Variants in PGGHG observed in about 807,000 individuals in gnomAD.
The protein encoded by PGGHG is protein-glucosylgalactosylhydroxylysine glucosidase.
Under a neutral mutation model 74.5 loss-of-function variants are expected in PGGHG, and 67 were observed. The ratio of observed to expected loss-of-function variants is 0.90; its 90% CI spans 0.74 to 1.10. The LOEUF (loss-of-function observed/expected upper bound fraction) is 1.10, where lower values mean the gene tolerates loss of function less well. Among genes scored for constraint, PGGHG ranks in the 50% least tolerant of loss-of-function variants. PGGHG has a pLI of 0.00. For missense variants in PGGHG, 1,034 were observed against 981.5 expected (o/e 1.05, Z -0.72); for synonymous variants, 496 against 419.9 (o/e 1.18, Z -2.21).
chr11:290,893 C>A lies in PGGHG; in HGVS notation c.686C>A (p.Thr229Lys). The change falls in exon 4 of 14, where the codon ACG becomes AAG. Residue 229 changes from threonine (T) to lysine (K), a missense_variant. Physicochemically the swap from Thr to Lys is moderately conservative, Grantham distance 78. Transcript: ENST00000409548. ...LQLQARGALY[T>K]AHAQAWAQLW... ...CTGCAGGCCAGGGGAGCTCTGTATACGGCTCACGCACAGGCCTGGGCCCAG... is the reference window on the plus strand; with the variant it reads ...CTGCAGGCCAGGGGAGCTCTGTATAAGGCTCACGCACAGGCCTGGGCCCAG... The A allele has an allele frequency of 1.2e-6, 2 of 1,611,718 alleles. No homozygotes were observed. The highest frequency in any genetic ancestry group is 1.1e-5 in the South Asian group (1 of 90,914).
chr11:292,362 G>A (rs777974712), intron 5 of PGGHG, among the ~76,000 whole-genome samples, 184 bp from the exon 6 acceptor site: 9 of 152,088 alleles, frequency 5.9e-5, no homozygotes, highest in East Asian at 1.9e-4. Context: ...GTCAGCACTC[G>A]GTGAGAACTG....
In PGGHG at chr11:292,632, C is replaced by CGG. The variant is rs1564841115; in HGVS notation, c.1116_1117dup (p.Ala373GlyfsTer51). 3 of 1,613,668 alleles carry CGG rather than the reference C, an allele frequency of 1.9e-6. No homozygotes were observed. The highest frequency in any genetic ancestry group is 2.5e-6 in the Non-Finnish European group (3 of 1,180,006). ...ACGGAGTCCAGGAGGTCCACGTCAA[C>CGG]GGGGCCGTGGTGTTGGCCTTCGAGC... is the stretch of plus-strand genomic sequence containing the variant. On this transcript the variant is annotated frameshift_variant, in exon 6 of 14. Coordinates refer to ENST00000409548, the MANE Select transcript of PGGHG (RefSeq NM_025092.5). LOFTEE classifies it high-confidence loss of function.
chr11:292,526 G>T lies in PGGHG; in HGVS notation c.1027-20G>T, dbSNP rs755624421. ...GCTCCCCTCCAACAAGGTCAAGTCT[G>T]CCCCCTCCCAACCCCTCAGGGAGCC... On this transcript the variant is annotated intron_variant, in intron 5 of 13. Coordinates refer to ENST00000409548, the MANE Select transcript of PGGHG (RefSeq NM_025092.5). 5 of 1,611,928 alleles carry T rather than the reference G, an allele frequency of 3.1e-6. No individual in the cohort carries two copies. The highest frequency in any genetic ancestry group is 2.7e-5 in the African/African-American group (2 of 75,020).
At chr11:293,089 C>A (rs750965016) in intron 7 of PGGHG, 74 bp from the exon 8 acceptor site, 2 of 1,613,818 alleles carry the variant, frequency 1.2e-6, no homozygotes, top group Admixed American at 3.3e-5. Context: ...GTGCCAGCCC[C>A]ACGCTGACCA....
At position 290,763 on chromosome 11, in the gene PGGHG, G is replaced by T. The variant is rs984846977; in HGVS notation, c.556G>T (p.Asp186Tyr). The T allele has an allele frequency of 3.7e-6, 6 of 1,612,420 alleles. No individual in the cohort carries two copies. The highest frequency in any genetic ancestry group is 3.4e-6 in the Non-Finnish European group (4 of 1,179,652). ...CATGCTGTGGACACCAGCACCCCCA[G>T]ACCTGACCCTTGGGGAAGGTGAGGA... ...VHMLWTPAPP[D>Y]LTLGEGEEAR... Residue 186 changes from aspartate to tyrosine, a missense_variant, in exon 4 of 14, where the codon GAC becomes TAC. Coordinates refer to ENST00000409548, the MANE Select transcript of PGGHG (RefSeq NM_025092.5).
chr11:291,542 A>G, intron 4 of PGGHG: 1 of 244,336 alleles, frequency 4.1e-6, no homozygotes, highest in Non-Finnish European at 7.9e-6. Flanking sequence ...GGGGACGCTG[A>G]GGGCACAGAG....
chr11:290,942 C>T lies in PGGHG; in HGVS notation c.735C>T (p.Asp245=), dbSNP rs145779251. The T allele has an allele frequency of 6.7e-4, 1,073 of 1,612,394 alleles. 7 individuals are homozygous for T. The African/African-American group carries it at 0.013, about 19-fold the overall frequency. Residue 245 remains aspartate (D), a synonymous_variant, in exon 4 of 14, where the codon GAC becomes GAT. Coordinates refer to ENST00000409548, the MANE Select transcript of PGGHG (RefSeq NM_025092.5). ...WAQLWVECGL[D]VVGPLQLRQA... Reference sequence around the variant, plus strand: ...AGCTCTGGGTAGAATGTGGCTTGGACGTGGTGGGGCCCCTGCAGCTGCGCC... The same window carrying T: ...AGCTCTGGGTAGAATGTGGCTTGGATGTGGTGGGGCCCCTGCAGCTGCGCC...
In PGGHG at chr11:293,315, G is replaced by A. The variant is rs369421655; in HGVS notation, c.1344-51G>A. 3.1e-6 allele frequency: 5 copies of A among 1,601,684 alleles called. No homozygotes were observed. In the African/African-American group the frequency reaches 6.7e-5, roughly 21 times the overall value. On this transcript the variant is annotated intron_variant, in intron 8 of 13. Coordinates refer to ENST00000409548, the MANE Select transcript of PGGHG (RefSeq NM_025092.5). ...CCCCGGTGCCCCCACTAGGCAGGCA[G>A]CAGCTGGAAGTGTAGGGGTTGCAGC...
intron 4 of PGGHG, 53 bp from the exon 5 acceptor site, chr11:291,923 G>A: frequency 1.9e-6 from 3 of 1,549,646 alleles, no homozygotes; most frequent in African/African-American, 1.4e-5. Context: ...GGCCAGGAGG[G>A]GCGGGAGCAG....
rs753877594 is a variant in PGGHG at position 294,300 on chromosome 11, G to A, written c.1842G>A (p.Val614=). Residue 614 remains valine, a synonymous_variant, in exon 13 of 14, where the codon GTG becomes GTA. Coordinates refer to ENST00000409548, the MANE Select transcript of PGGHG (RefSeq NM_025092.5). ...GAGCGGGTGTGACCTTTGACCCTGT[G>A]TGTCTGTCGGGGATCTCCAGAGTGA... ...VTRAGVTFDP[V]CLSGISRVSV... The A allele has an allele frequency of 6.2e-6, 10 of 1,612,020 alleles. No individual in the cohort carries two copies. The highest frequency in any genetic ancestry group is 7.6e-6 in the Non-Finnish European group (9 of 1,179,304).
intron 7 of PGGHG, 65 bp downstream of exon 7, chr11:293,062 T>C: frequency 6.2e-7 from 1 of 1,613,752 alleles, no homozygotes; most frequent in Non-Finnish European, 8.5e-7. Context: ...AGCAGATGAT[T>C]TTCAGACACC....
intron 4 of PGGHG, 140 bp from the exon 5 acceptor site, chr11:291,836 G>C (rs898228521): frequency 8.1e-7 from 1 of 1,234,604 alleles, no homozygotes; most frequent in Non-Finnish European, 1.1e-6. Context: ...CAGGTGGGGA[G>C]GGCCTGCAGA....
At chr11:291,330 T>G in intron 4 of PGGHG, 1 of 558,550 alleles carries the variant, frequency 1.8e-6, no homozygotes, top group East Asian at 3.1e-5. Context: ...TGAGGCACTT[T>G]CCAGAGCGTG....
chr11:289,966 C>G lies in PGGHG; in HGVS notation c.150C>G (p.Gly50=), dbSNP rs1182978258. 2 of 1,549,992 alleles carry G rather than the reference C, an allele frequency of 1.3e-6. No individual in the cohort carries two copies. Among genetic ancestry groups the G allele is most frequent in the Non-Finnish European group, 1.7e-6 (2 of 1,146,888 alleles). ...LHVSGVYNGA[G]GDTHRAMLPS... is the part of the protein sequence containing the mutation. Reference sequence around the variant, plus strand: ...TGAGCGGCGTGTACAATGGGGCTGGCGGGGACACGCACCGGGCCATGCTGC... The same window carrying G: ...TGAGCGGCGTGTACAATGGGGCTGGGGGGGACACGCACCGGGCCATGCTGC... The change falls in exon 2 of 14, where the codon GGC becomes GGG. Residue 50 remains glycine (G), a synonymous_variant. Transcript: ENST00000409548. This position sits in a 1 kb window ranked among gnomAD's most constrained non-coding sequence, Gnocchi z 5.6.
chr11:293,419 A>G lies in PGGHG; in HGVS notation c.1397A>G (p.Gln466Arg), dbSNP rs1263764713. 1.9e-6 allele frequency: 3 copies of G among 1,612,552 alleles called. No individual in the cohort carries two copies. The highest frequency in any genetic ancestry group is 1.3e-5 in the African/African-American group (1 of 74,904). The change falls in exon 9 of 14, where the codon CAG becomes CGG. Residue 466 changes from glutamine (Q) to arginine (R), a missense_variant. Gln to Arg is a conservative substitution (Grantham distance 43). Coordinates refer to ENST00000409548, the MANE Select transcript of PGGHG (RefSeq NM_025092.5). ...GACCTGGGTCTTCCCATCCCCAGCC[A>G]GTGGCTGGCGGTGGCTGACAAGATC... ...AQDLGLPIPS[Q>R]WLAVADKIKV...
chr11:294,946 T>C lies in PGGHG; in HGVS notation c.*197T>C, dbSNP rs577892484. 192 of 598,654 alleles carry C rather than the reference T, an allele frequency of 3.2e-4. No individual in the cohort carries two copies. The African/African-American group carries it at 3.5e-3, about 11-fold the overall frequency. 37.1% of individuals were successfully genotyped at this position (598,654 alleles called of 1,614,324 possible). ...CCGTGGACCCCCGTGGGCAGGTGGCTTCCCCGTGGCATCTCCACACCGCCT... is the reference window on the plus strand; with the variant it reads ...CCGTGGACCCCCGTGGGCAGGTGGCCTCCCCGTGGCATCTCCACACCGCCT... On this transcript the variant is annotated 3_prime_UTR_variant, in exon 14 of 14. Transcript: ENST00000409548.
At chr11:293,988 G>A (rs1448899018) in intron 11 of PGGHG, 63 bp downstream of exon 11, 2 of 1,593,834 alleles carry the variant, frequency 1.3e-6, no homozygotes, top group Admixed American at 1.7e-5. Context: ...CCCAGCCTCA[G>A]AGCAGGCACA....
At position 291,024 on chromosome 11, in the gene PGGHG, C is replaced by A; in HGVS notation, c.817C>A (p.Pro273Thr). The stretch of plus-strand genomic sequence containing the variant: ...CAGTGCCCTGCCCCAGCCCAAGGCC[C>A]CAGGATACATCTGCCATGGCCTCAG... ...LLSALPQPKA[P>T]GYICHGLSPG... The change falls in exon 4 of 14, where the codon CCA becomes ACA. Residue 273 changes from proline (P) to threonine (T), a missense_variant. Transcript: ENST00000409548. 1 of 1,612,578 alleles carries A rather than the reference C, an allele frequency of 6.2e-7. No homozygotes were observed. The highest frequency in any genetic ancestry group is 8.5e-7 in the Non-Finnish European group (1 of 1,179,844).
In PGGHG at chr11:291,172, C is replaced by A. The variant is rs1845710071; in HGVS notation, c.906+59C>A. On this transcript the variant is annotated intron_variant, in intron 4 of 13. Coordinates refer to ENST00000409548, the MANE Select transcript of PGGHG (RefSeq NM_025092.5). ...CAGGCGACACATGGAGGTCCACGGT[C>A]TCTGCCCTCCCTGGGACCAGGGCTA... 22 of 1,494,666 alleles carry A rather than the reference C, an allele frequency of 1.5e-5. No homozygotes were observed. In the South Asian group the frequency reaches 2.8e-4, roughly 19 times the overall value. 92.6% of individuals were successfully genotyped at this position (1,494,666 alleles called of 1,614,324 possible).
Sources: allele counts gnomAD v4.1 joint callset (sites outside exome capture counted in the v4.1 genomes callset), GRCh38; gene constraint gnomAD v4.1.1; non-coding constraint Gnocchi (gnomAD v3.1); transcripts MANE v1.5; gene names NCBI Gene and HGNC (gene_info 2026-07-23, HGNC 2026-07-21).